ELF2: variants seen among roughly 807,000 people sequenced by gnomAD.
The protein encoded by ELF2 is E74 like ETS transcription factor 2.
Under a neutral mutation model 54.8 loss-of-function variants are expected in ELF2, and 11 were observed. The observed-to-expected ratio is 0.20, with a 90% CI of 0.13 to 0.33. The LOEUF is 0.33. Among genes scored for constraint, ELF2 ranks in the 10% least tolerant of loss-of-function variants. ELF2 has a pLI of 1.00. For missense variants in ELF2, 513 were observed against 703.0 expected (o/e 0.73, Z 3.06); for synonymous variants, 203 against 245.1 (o/e 0.83, Z 1.61).
intron 4 of ELF2, among the ~76,000 whole-genome samples, chr4:139,086,869 G>C (rs1310739361): frequency 6.6e-6 from 1 of 152,108 alleles, no homozygotes; most frequent in Non-Finnish European, 1.5e-5. Flanking sequence ...ATTTTTAATA[G>C]GGGTTCAAAG....
rs374111307 is a variant in ELF2, at chr4:139,121,349, T to C, written c.238+3815A>G. ...GGTCTCGATCTCCTGACCTCGTGAT[T>C]CACCCGCCTTGGCCTCCGAAAGTGC... On this transcript the variant is annotated intron_variant, in intron 4 of 9. Transcript: ENST00000686138. Among the ~76,000 whole-genome samples, 221 of 151,786 alleles carry C rather than the reference T, an allele frequency of 1.5e-3. 1 individual carries two copies. Among genetic ancestry groups the C allele is most frequent in the Admixed American group, 5.6e-3 (86 of 15,248 alleles).
chr4:139,107,627 G>C (rs912695273), intron 4 of ELF2, among the ~76,000 whole-genome samples: 12 of 151,910 alleles, frequency 7.9e-5, no homozygotes, highest in South Asian at 2.1e-4. Context: ...ATGCAATCAG[G>C]GAATTTTCAC....
At chr4:139,156,021 A>G (rs2148892435) in intron 1 of ELF2, among the ~76,000 whole-genome samples, 1 of 152,334 alleles carries the variant, frequency 6.6e-6, no homozygotes, top group South Asian at 2.1e-4. Flanking sequence ...GCTAATTGGA[A>G]AGTGATATAA....
In ELF2 at chr4:139,059,178, G is replaced by C. The variant is rs141959247; in HGVS notation, c.1587C>G (p.Val529=). The change falls in exon 10 of 10, where the codon GTC becomes GTG. Residue 529 remains valine (V), a synonymous_variant. Transcript: ENST00000686138. The stretch of plus-strand genomic sequence containing the variant: ...CCGATTTAACCTCTGGCCCCTTTAT[G>C]ACTGCACTGATAACTCGAGGAGGAG... The part of the protein sequence containing the change: ...GQTPPRVISA[V]IKGPEVKSEA... 1.2e-4 allele frequency: 199 copies of C among 1,613,918 alleles called. No homozygotes were observed. The African/African-American group carries it at 1.9e-3, about 16-fold the overall frequency.
chr4:139,156,187 T>G (rs1312254519), intron 1 of ELF2, among the ~76,000 whole-genome samples: 1 of 150,694 alleles, frequency 6.6e-6, no homozygotes, highest in Non-Finnish European at 1.5e-5. Context: ...GGCGGGGGAG[T>G]CGTCGGGGGA....
intron 4 of ELF2, among the ~76,000 whole-genome samples, chr4:139,094,849 T>C (rs1733075695): frequency 6.6e-6 from 1 of 152,196 alleles, no homozygotes; most frequent in African/African-American, 2.4e-5. Context: ...GAGTTATTTT[T>C]AGGTCCCTAG....
In ELF2 at chr4:139,057,457, A is replaced by T. The variant is rs916067089; in HGVS notation, c.*1526T>A. On this transcript the variant is annotated 3_prime_UTR_variant, in exon 10 of 10. Coordinates refer to ENST00000686138, the MANE Select transcript of ELF2 (RefSeq NM_001331036.3). ...TCTTTGTAGTAGAAAGAGCATTAAG[A>T]TATGGAGTGACAGACAGTAGTAAAA... 5 of 152,368 alleles carry T rather than the reference A, an allele frequency of 3.3e-5. No homozygotes were observed. The highest frequency in any genetic ancestry group is 2.0e-4 in the Admixed American group (3 of 15,312). 9.4% of individuals were successfully genotyped at this position (152,368 alleles called of 1,614,324 possible). A position where few individuals can be genotyped will look rare whatever the true frequency, so the allele number is the denominator to read the frequency against.
intron 4 of ELF2, chr4:139,116,613 T>G (rs1735749639): frequency 1.1e-6 from 1 of 929,758 alleles, no homozygotes; most frequent in East Asian, 1.2e-4. Context: ...AAATATAAAA[T>G]TACAAACATT....
rs1223788948 is a variant in ELF2, at chr4:139,057,892, A to G, written c.*1091T>C. On this transcript the variant is annotated 3_prime_UTR_variant, in exon 10 of 10. Transcript: ENST00000686138. The stretch of plus-strand genomic sequence containing the variant: ...TTCATTTCTATATTTCAGAAAACCT[A>G]CTTGAATACACTTTGAAACAAGAGT... 1 of 152,662 alleles carries G rather than the reference A, an allele frequency of 6.6e-6. No homozygotes were observed. Among genetic ancestry groups the G allele is most frequent in the Non-Finnish European group, 1.5e-5 (1 of 68,042 alleles). The allele number at this position is 152,662 out of a possible 1,614,324, so 9.5% of individuals were successfully genotyped here.
At chr4:139,168,562 T>C (rs1741944268) in intron 1 of ELF2, among the ~76,000 whole-genome samples, 1 of 152,098 alleles carries the variant, frequency 6.6e-6, no homozygotes, top group East Asian at 1.9e-4. Flanking sequence ...TTCCCTTGTG[T>C]GCTCAAATGT....
intron 1 of ELF2, among the ~76,000 whole-genome samples, chr4:139,158,835 T>C (rs1740806937): frequency 6.6e-6 from 1 of 152,182 alleles, no homozygotes; most frequent in South Asian, 2.1e-4. Context: ...GCTCTATTCT[T>C]GACAGAGTCC....
chr4:139,134,579 GTTATAT>G (rs1737911794), intron 3 of ELF2, among the ~76,000 whole-genome samples: 1 of 145,008 alleles, frequency 6.9e-6, no homozygotes, highest in Admixed American at 6.9e-5. Context: ...TTTATTTTAT[GTTATAT>G]TTATTTTATT....
intron 1 of ELF2, among the ~76,000 whole-genome samples, chr4:139,156,104 T>C (rs17050698): frequency 0.093 from 14,162 of 152,284 alleles, 934 homozygotes; most frequent in African/African-American, 0.19. Flanking sequence ...AAAATCCTTA[T>C]TTACTCATGG....
At chr4:139,165,809 C>G (rs560900929) in intron 1 of ELF2, among the ~76,000 whole-genome samples, 1 of 152,160 alleles carries the variant, frequency 6.6e-6, no homozygotes, top group Admixed American at 6.5e-5. Flanking sequence ...AAAGCACTGA[C>G]AAATAAGTGA....
At chr4:139,085,160 AG>A (rs2148740333) in intron 4 of ELF2, among the ~76,000 whole-genome samples, 1 of 152,366 alleles carries the variant, frequency 6.6e-6, no homozygotes, top group African/African-American at 2.4e-5. Flanking sequence ...ACAATGGACA[AG>A]GGAGATAAAT....
At chr4:139,115,289 T>C in intron 4 of ELF2, 8 of 1,595,566 alleles carry the variant, frequency 5.0e-6, no homozygotes, top group Non-Finnish European at 6.8e-6. Context: ...GCTCTGAAAG[T>C]AGACGCGTGG....
intron 4 of ELF2, among the ~76,000 whole-genome samples, chr4:139,106,693 A>G (rs1734443205): frequency 6.6e-6 from 1 of 151,000 alleles, no homozygotes; most frequent in South Asian, 2.1e-4. Context: ...ACAGAAACAC[A>G]TGCATTGATA....
chr4:139,129,874 A>G (rs1737313075), intron 3 of ELF2, among the ~76,000 whole-genome samples: 1 of 152,204 alleles, frequency 6.6e-6, no homozygotes, highest in South Asian at 2.1e-4. Flanking sequence ...AAGTTTAACA[A>G]ATTAAACAAT....
At chr4:139,102,654 G>A (rs1420453908) in intron 4 of ELF2, among the ~76,000 whole-genome samples, 1 of 150,420 alleles carries the variant, frequency 6.6e-6, no homozygotes, top group Non-Finnish European at 1.5e-5. Flanking sequence ...CAGCCTGGCC[G>A]AGATGGTGAA....
Sources: gnomAD v4.1 joint callset for allele counts (sites outside exome capture counted in the v4.1 genomes callset) on GRCh38, gnomAD v4.1.1 for gene constraint, MANE v1.5 for transcripts, NCBI Gene and HGNC (gene_info 2026-07-23, HGNC 2026-07-21) for gene names.